THSD7A: variants seen among roughly 807,000 people sequenced by gnomAD.
THSD7A encodes the protein thrombospondin type 1 domain containing 7A, also known as thrombospondin type-1 domain-containing protein 7A.
In THSD7A, 96 loss-of-function variants were observed where a neutral mutation model predicts 231.3. That is an observed-to-expected ratio of 0.41 (90% confidence interval 0.35 to 0.49). The LOEUF is 0.49. Ranked by LOEUF, THSD7A falls within the 20% of genes least tolerant of loss-of-function variation. The probability of loss-of-function intolerance (pLI) is 0.05; values close to 1 mark genes in which losing one functional copy is unlikely to be tolerated. For synonymous variants in THSD7A, 940 were observed against 743.3 expected, an observed-to-expected ratio of 1.26 and a Z score of -4.30; for missense variants, 2,290 against 2,070.2, an observed-to-expected ratio of 1.11 and a Z score of -2.06.
intron 1 of THSD7A, among the ~76,000 whole-genome samples, chr7:11,678,709 C>T (rs1357447283): frequency 6.6e-6 from 1 of 152,074 alleles, no homozygotes; most frequent in Admixed American, 6.6e-5. Context: ...TAATTAATAG[C>T]CTACCAACCA....
At chr7:11,490,672 T>C (rs1196339018) in intron 6 of THSD7A, among the ~76,000 whole-genome samples, 1 of 152,064 alleles carries the variant, frequency 6.6e-6, no homozygotes, top group East Asian at 1.9e-4. Context: ...TCTTGAATAG[T>C]TCTTTCTTGT....
At chr7:11,599,076 C>T (rs546558809) in intron 2 of THSD7A, among the ~76,000 whole-genome samples, 10 of 152,198 alleles carry the variant, frequency 6.6e-5, no homozygotes, top group Non-Finnish European at 1.2e-4. Context: ...TCCATTAGGG[C>T]GTCCCTTAGT....
chr7:11,806,574 T>C (rs1334123547), intron 1 of THSD7A, among the ~76,000 whole-genome samples: 1 of 152,180 alleles, frequency 6.6e-6, no homozygotes, highest in Admixed American at 6.6e-5. Flanking sequence ...ACATTTACAC[T>C]GCCTGAGCTA....
chr7:11,475,100 G>A (rs1786104077), intron 7 of THSD7A, among the ~76,000 whole-genome samples: 1 of 152,118 alleles, frequency 6.6e-6, no homozygotes, highest in African/African-American at 2.4e-5. Flanking sequence ...ATAGTCAATT[G>A]GAGTGTAGAG....
At position 11,814,596 on chromosome 7, in the gene THSD7A, T is replaced by C. The variant is rs1457266131; in HGVS notation, c.190+17161A>G. Among the ~76,000 whole-genome samples the C allele has an allele frequency of 6.6e-6, 1 of 152,188 alleles. No homozygotes were observed. Among genetic ancestry groups the C allele is most frequent in the African/African-American group, 2.4e-5 (1 of 41,446 alleles). ...AAGGACCACCTTGTCTGCTTCATAG[T>C]ATTTATTCTCTTCTTGTGGAACTTG... On this transcript the variant is annotated intron_variant, in intron 1 of 27. Transcript: ENST00000423059. This position sits in a 1 kb window ranked among gnomAD's most constrained non-coding sequence, Gnocchi z 5.1.
intron 4 of THSD7A, among the ~76,000 whole-genome samples, chr7:11,588,277 G>A (rs910342772): frequency 3.3e-5 from 5 of 152,096 alleles, no homozygotes; most frequent in African/African-American, 1.2e-4. Context: ...TTCCTATTGG[G>A]AAATGTTAAG....
chr7:11,387,518 T>G (rs898863082), intron 23 of THSD7A, among the ~76,000 whole-genome samples: 1 of 152,120 alleles, frequency 6.6e-6, no homozygotes, highest in Non-Finnish European at 1.5e-5. Flanking sequence ...TTTTCTGTTA[T>G]TGGTTTATAG....
intron 2 of THSD7A, among the ~76,000 whole-genome samples, chr7:11,630,066 C>G (rs557086038): frequency 1.4e-4 from 21 of 152,270 alleles, no homozygotes; most frequent in African/African-American, 5.1e-4. Flanking sequence ...TTATCCATTA[C>G]TGAAATTCCA....
chr7:11,487,624 C>A (rs1464247987), intron 6 of THSD7A, among the ~76,000 whole-genome samples: 1 of 152,068 alleles, frequency 6.6e-6, no homozygotes, highest in Non-Finnish European at 1.5e-5. Flanking sequence ...TACAGTTCCA[C>A]ATGGCTGGAA....
At chr7:11,682,354 G>A (rs917725544) in intron 1 of THSD7A, among the ~76,000 whole-genome samples, 1 of 152,006 alleles carries the variant, frequency 6.6e-6, no homozygotes, top group Admixed American at 6.6e-5. Flanking sequence ...ATCTTTAAGA[G>A]ATCTATCTCA....
Position 11,446,415 on chromosome 7 carries a change from T to C in THSD7A, c.2801-91A>G, listed in dbSNP as rs940645401. On this transcript the variant is annotated intron_variant, in intron 12 of 27. Coordinates refer to ENST00000423059, the MANE Select transcript of THSD7A (RefSeq NM_015204.3). The surrounding 1 kb of genome is among the most constrained non-coding windows in gnomAD (Gnocchi z 4.0). ...AAATTTTCTGCTTTCCTAATTTCTT[T>C]TTCTTCATTTTTAACCATATTTAAC... is the stretch of plus-strand genomic sequence containing the variant. 2.3e-5 allele frequency: 32 copies of C among 1,376,880 alleles called. No homozygotes were observed. The African/African-American group carries it at 4.6e-4, about 20-fold the overall frequency. 85.3% of individuals were successfully genotyped at this position (1,376,880 alleles called of 1,614,324 possible). A position where few individuals can be genotyped will look rare whatever the true frequency, so the allele number is the denominator to read the frequency against.
chr7:11,476,825 A>AAG (rs1786207361), intron 7 of THSD7A, among the ~76,000 whole-genome samples: 1 of 146,034 alleles, frequency 6.8e-6, no homozygotes, highest in Non-Finnish European at 1.6e-5. Flanking sequence ...AGAGAAAAAA[A>AAG]AAAAAAAAAA....
intron 6 of THSD7A, among the ~76,000 whole-genome samples, chr7:11,520,502 C>A (rs1198391859): frequency 2.0e-5 from 3 of 152,028 alleles, no homozygotes; most frequent in Non-Finnish European, 4.4e-5. Context: ...ACACATGCCA[C>A]CAGGATATAA....
intron 4 of THSD7A, among the ~76,000 whole-genome samples, chr7:11,572,338 A>G (rs552293536): frequency 1.3e-5 from 2 of 152,244 alleles, no homozygotes; most frequent in South Asian, 2.1e-4. Context: ...CTTCAATATC[A>G]CTTAGCCTTC....
intron 23 of THSD7A, among the ~76,000 whole-genome samples, chr7:11,387,276 G>A (rs959560822): frequency 6.6e-6 from 1 of 152,066 alleles, no homozygotes; most frequent in African/African-American, 2.4e-5. Context: ...GATGGGGATA[G>A]CACTGAATCT....
Position 11,398,395 on chromosome 7 carries a change from G to A in THSD7A, c.4411+3400C>T, listed in dbSNP as rs1783273611. On this transcript the variant is annotated intron_variant, in intron 23 of 27. Transcript: ENST00000423059. ...ACACTGGGGCCTGTCGAGGGGTAGGGGCTAGGGGAGGGATAGCATTAGGAG... is the reference window on the plus strand; with the variant it reads ...ACACTGGGGCCTGTCGAGGGGTAGGAGCTAGGGGAGGGATAGCATTAGGAG... 2.0e-5 allele frequency among the ~76,000 whole-genome samples: 3 copies of A among 152,150 alleles called. No individual in the cohort carries two copies. The South Asian group carries it at 6.2e-4, about 32-fold the overall frequency.
chr7:11,526,388 G>A (rs962936240), intron 6 of THSD7A, among the ~76,000 whole-genome samples: 1 of 152,102 alleles, frequency 6.6e-6, no homozygotes, highest in African/African-American at 2.4e-5. Flanking sequence ...GTGATCCTAT[G>A]AGGCAGAGAG....
chr7:11,758,422 A>C (rs1782752907), intron 1 of THSD7A, among the ~76,000 whole-genome samples: 1 of 152,100 alleles, frequency 6.6e-6, no homozygotes, highest in South Asian at 2.1e-4. Flanking sequence ...AGAAAGCATG[A>C]ATGCAGTGAG....
At chr7:11,708,019 AATTT>A (rs1275777471) in intron 1 of THSD7A, among the ~76,000 whole-genome samples, 2 of 150,840 alleles carry the variant, frequency 1.3e-5, no homozygotes, top group Non-Finnish European at 3.0e-5. Flanking sequence ...TATTCCTTGC[AATTT>A]TGTCCCTTAA....
Sources: allele counts gnomAD v4.1 joint callset (sites outside exome capture counted in the v4.1 genomes callset), GRCh38; gene constraint gnomAD v4.1.1; non-coding constraint Gnocchi (gnomAD v3.1); transcripts MANE v1.5; gene names NCBI Gene and HGNC (gene_info 2026-07-23, HGNC 2026-07-21).